The following TSPEAR variants were observed in gnomAD, a reference collection of about 807,000 sequenced individuals.
TSPEAR encodes the protein thrombospondin-type laminin G domain and EAR repeat-containing protein.
In TSPEAR, 69 loss-of-function variants were observed where a neutral mutation model predicts 71.6. The ratio of observed to expected loss-of-function variants is 0.96; its 90% CI spans 0.79 to 1.18. TSPEAR has a LOEUF of 1.18. Among genes scored for constraint, TSPEAR ranks in the 50% most tolerant of loss-of-function variants. The pLI is 0.00. For missense variants in TSPEAR, 971 were observed against 894.9 expected, an observed-to-expected ratio of 1.09 and a Z score of -1.09; for synonymous variants, 402 against 387.2, an observed-to-expected ratio of 1.04 and a Z score of -0.45.
chr21:44,654,095 T>A (rs781980354), intron 1 of TSPEAR: 104 of 610,402 alleles, frequency 1.7e-4, no homozygotes, highest in Non-Finnish European at 2.7e-4. Flanking sequence ...CAGGAGAAAC[T>A]GTGTAGAAAG....
intron 1 of TSPEAR, among the ~76,000 whole-genome samples, chr21:44,648,203 G>C (rs1479119245): frequency 6.6e-6 from 1 of 152,168 alleles, no homozygotes; most frequent in Non-Finnish European, 1.5e-5. Context: ...GAGACACAGA[G>C]CAAAAAGACA....
intron 1 of TSPEAR, among the ~76,000 whole-genome samples, chr21:44,626,213 G>A (rs1370302144): frequency 1.3e-5 from 2 of 152,236 alleles, no homozygotes; most frequent in Non-Finnish European, 1.5e-5. Context: ...ATTAGCTGCT[G>A]GGTAGCAATG....
rs140026863 is a variant in TSPEAR at position 44,498,784 on chromosome 21, CG to C, written c.*998del. On this transcript the variant is annotated 3_prime_UTR_variant, in exon 12 of 12. Coordinates refer to ENST00000323084, the MANE Select transcript of TSPEAR (RefSeq NM_144991.3). ...AGGTGTGGTCTGGGCTGCGTGGCCC[CG>C]GAGCCTGCTGTCTGAGCCTCTTCTC... 2,864 of 152,572 alleles carry C rather than the reference CG, an allele frequency of 0.019. 95 individuals carry two copies. The highest frequency in any genetic ancestry group is 0.063 in the African/African-American group (2,602 of 41,572). 9.5% of individuals were successfully genotyped at this position (152,572 alleles called of 1,614,324 possible).
At chr21:44,502,844 G>A (rs587678255) in intron 11 of TSPEAR, among the ~76,000 whole-genome samples, 1 of 149,954 alleles carries the variant, frequency 6.7e-6, no homozygotes, top group Non-Finnish European at 1.5e-5. Flanking sequence ...CGGCCTCGGT[G>A]AGCCCTTGGG....
At position 44,591,813 on chromosome 21, in the gene TSPEAR, G is replaced by T. The variant is rs1555926658; in HGVS notation, c.83-23808C>A. On this transcript the variant is annotated intron_variant, in intron 1 of 11. Transcript: ENST00000323084. The stretch of plus-strand genomic sequence containing the variant: ...AGACGGGCACGCAGCAGGCCTGCTG[G>T]CAGGGGGAGGAGGTGCAGCAAGTTG... 38 of 1,599,006 alleles carry T rather than the reference G, an allele frequency of 2.4e-5. No individual in the cohort carries two copies. The East Asian group carries it at 6.8e-4, about 28-fold the overall frequency.
rs1987830669 is a variant in TSPEAR, at chr21:44,704,782, A to G, written c.82+6651T>C. On this transcript the variant is annotated intron_variant, in intron 1 of 11. Transcript: ENST00000323084. The stretch of plus-strand genomic sequence containing the variant: ...TGCCTCCACACCCATCACTGGGGAG[A>G]TGTTTTCAGGAGAAAGATGCAGCAG... 2.6e-5 allele frequency among the ~76,000 whole-genome samples: 4 copies of G among 152,106 alleles called. No individual in the cohort carries two copies. The South Asian group carries it at 8.3e-4, about 31-fold the overall frequency.
chr21:44,654,468 C>T (rs1465241870), intron 1 of TSPEAR: 3 of 1,613,844 alleles, frequency 1.9e-6, no homozygotes, highest in African/African-American at 2.7e-5. Flanking sequence ...ATACCCCACA[C>T]AGGGGCCGGC....
intron 1 of TSPEAR, chr21:44,579,628 A>C (rs1405751978): frequency 8.1e-6 from 9 of 1,106,374 alleles, no homozygotes; most frequent in Non-Finnish European, 1.1e-5. Flanking sequence ...GATTCCTGGG[A>C]GTATGGAGGG....
chr21:44,703,424 G>GT (rs1555951827), intron 1 of TSPEAR, among the ~76,000 whole-genome samples: 4 of 152,334 alleles, frequency 2.6e-5, no homozygotes. Flanking sequence ...GAGGGGCCTG[G>GT]TGCCCCCATG....
chr21:44,588,856 T>G (rs1304177856), intron 1 of TSPEAR, among the ~76,000 whole-genome samples: 1 of 151,678 alleles, frequency 6.6e-6, no homozygotes, highest in Non-Finnish European at 1.5e-5. Context: ...CACAGAGACC[T>G]GGATGAGATT....
intron 1 of TSPEAR, among the ~76,000 whole-genome samples, chr21:44,703,367 G>A (rs1987750728): frequency 6.6e-6 from 1 of 152,218 alleles, no homozygotes; most frequent in African/African-American, 2.4e-5. Flanking sequence ...CAGGATTCAG[G>A]TGGTGATGTC....
rs782642252 is a variant in TSPEAR, at chr21:44,529,884, G to T, written c.704C>A (p.Ala235Asp). The T allele has an allele frequency of 1.2e-6, 2 of 1,613,452 alleles. No individual in the cohort carries two copies. The highest frequency in any genetic ancestry group is 1.7e-5 in the Admixed American group (1 of 60,002). Residue 235 changes from alanine to aspartate, a missense_variant, in exon 5 of 12, where the codon GCC becomes GAC. By Grantham distance (126) the Ala-to-Asp change is moderately radical. Transcript: ENST00000323084. Reference protein sequence around the residue: ...ATPRLCPSRNAPLAVLSIPRV... With the variant: ...ATPRLCPSRNDPLAVLSIPRV... ...TGGGATGGACAGCACCGCCAGCGGG[G>T]CGTTCCTGCTGGGACACAGCCTTGG...
chr21:44,556,318 C>G (rs782527925), intron 2 of TSPEAR, among the ~76,000 whole-genome samples: 1 of 152,008 alleles, frequency 6.6e-6, no homozygotes, highest in African/African-American at 2.4e-5. Context: ...AGAAGTTGTA[C>G]TGAGCGGAGA....
At position 44,602,735 on chromosome 21, in the gene TSPEAR, G is replaced by A. The variant is rs587722337; in HGVS notation, c.83-34730C>T. The stretch of plus-strand genomic sequence containing the variant: ...GCAGGGCATCCCCAACATCGCACAC[G>A]CAGCGTCCCAGCTGCTTGCAGAGGA... On this transcript the variant is annotated intron_variant, in intron 1 of 11. Transcript: ENST00000323084. Among the ~76,000 whole-genome samples the A allele has an allele frequency of 2.0e-5, 3 of 152,282 alleles. No individual in the cohort carries two copies. The South Asian group carries it at 6.2e-4, about 32-fold the overall frequency.
intron 1 of TSPEAR, among the ~76,000 whole-genome samples, chr21:44,578,448 T>C (rs1555924244): frequency 6.6e-6 from 1 of 152,098 alleles, no homozygotes; most frequent in African/African-American, 2.4e-5. Context: ...GCCATTGAAT[T>C]CTACCAAGCA....
intron 1 of TSPEAR, chr21:44,647,046 T>C (rs782272972): frequency 3.1e-6 from 5 of 1,612,844 alleles, no homozygotes; most frequent in East Asian, 4.5e-5. Context: ...GCTGCAAGAC[T>C]GTCTACTGCA....
intron 1 of TSPEAR, among the ~76,000 whole-genome samples, chr21:44,624,529 T>G (rs1041730813): frequency 6.6e-6 from 1 of 152,230 alleles, no homozygotes; most frequent in Non-Finnish European, 1.5e-5. Flanking sequence ...GAGATCACTT[T>G]TGTTTCTGGG....
chr21:44,586,317 G>A (rs400368), intron 1 of TSPEAR, among the ~76,000 whole-genome samples: 143,574 of 152,296 alleles, frequency 0.94, 67,842 homozygotes, highest in Non-Finnish European at 0.97. Context: ...CTTGTCTGTC[G>A]CAGAAAATCC....
intron 1 of TSPEAR, among the ~76,000 whole-genome samples, chr21:44,613,644 C>T (rs1981872593): frequency 6.6e-6 from 1 of 151,852 alleles, no homozygotes; most frequent in Non-Finnish European, 1.5e-5. Context: ...GGCTGCTGCA[C>T]CTGCGCAGGA....
Sources: gnomAD v4.1 joint callset for allele counts (sites outside exome capture counted in the v4.1 genomes callset) on GRCh38, gnomAD v4.1.1 for gene constraint, MANE v1.5 for transcripts, NCBI Gene and HGNC (gene_info 2026-07-23, HGNC 2026-07-21) for gene names.